RAB40C: variants seen among roughly 807,000 people sequenced by gnomAD.
RAB40C encodes ras-related protein Rab-40C.
A neutral mutation model predicts 28.1 loss-of-function variants in RAB40C; 8 were observed. The ratio of observed to expected loss-of-function variants is 0.28; its 90% CI spans 0.17 to 0.51. The LOEUF (loss-of-function observed/expected upper bound fraction) is 0.51, where lower values mean the gene tolerates loss of function less well. RAB40C is among the 20% of genes least tolerant of loss of function. The pLI is 0.97. For missense variants in RAB40C, 288 were observed against 405.9 expected, an observed-to-expected ratio of 0.71 and a Z score of 2.50; for synonymous variants, 201 against 171.7, an observed-to-expected ratio of 1.17 and a Z score of -1.34.
intron 4 of RAB40C, 165 bp downstream of exon 4, chr16:625,674 C>T (rs1487969003): frequency 1.6e-5 from 14 of 886,502 alleles, no homozygotes; most frequent in South Asian, 3.2e-5. Context: ...ACTGTGCACA[C>T]GACAGTCGGG....
rs1054221463 is a variant in RAB40C at position 625,589 on chromosome 16, C to T, written c.342+80C>T. The T allele has an allele frequency of 6.4e-6, 9 of 1,401,166 alleles. No homozygotes were observed. The African/African-American group carries it at 1.1e-4, about 18-fold the overall frequency. The allele number at this position is 1,401,166 out of a possible 1,614,324, so 86.8% of individuals were successfully genotyped here. The stretch of plus-strand genomic sequence containing the variant: ...TGGGCCCCGGGTAGGCTCTGGATTC[C>T]CGCCTGCCGCCCCTCCTGTGGCCCC... On this transcript the variant is annotated intron_variant, in intron 4 of 5. Coordinates refer to ENST00000248139, the MANE Select transcript of RAB40C (RefSeq NM_021168.5).
intron 3 of RAB40C, 58 bp downstream of exon 3, chr16:618,318 C>T: frequency 6.7e-7 from 1 of 1,501,548 alleles, no homozygotes; most frequent in Non-Finnish European, 9.1e-7. Context: ...CTGATTCTTT[C>T]TGAATGTGAG....
intron 3 of RAB40C, among the ~76,000 whole-genome samples, chr16:620,266 G>A (rs551067048): frequency 1.8e-4 from 28 of 152,098 alleles, no homozygotes; most frequent in East Asian, 1.4e-3. Flanking sequence ...GGTGGCGGGC[G>A]CTTATAATCC....
At chr16:617,160 T>C in intron 1 of RAB40C, 48 bp from the exon 2 acceptor site, 1 of 1,602,332 alleles carries the variant, frequency 6.2e-7, no homozygotes, top group South Asian at 1.1e-5. Context: ...TCGCGGGCGC[T>C]CGCTCCAGGA....
At chr16:621,749 A>C (rs901260392) in intron 3 of RAB40C, among the ~76,000 whole-genome samples, 3 of 152,214 alleles carry the variant, frequency 2.0e-5, no homozygotes, top group South Asian at 4.1e-4. Flanking sequence ...GGGATGTGCC[A>C]TCCTGTTTAG....
At chr16:603,943 G>C (rs1017401250) in intron 1 of RAB40C, among the ~76,000 whole-genome samples, 1 of 152,124 alleles carries the variant, frequency 6.6e-6, no homozygotes. Flanking sequence ...GTATTCCTTT[G>C]CACAAATATA....
Position 625,037 on chromosome 16 carries a change from C to T in RAB40C, c.265-395C>T, listed in dbSNP as rs1849462400. 5 of 1,293,302 alleles carry T rather than the reference C, an allele frequency of 3.9e-6. No individual in the cohort carries two copies. In the South Asian group the frequency reaches 6.2e-5, roughly 16 times the overall value. The allele number at this position is 1,293,302 out of a possible 1,614,324, so 80.1% of individuals were successfully genotyped here. A position where few individuals can be genotyped will look rare whatever the true frequency, so the allele number is the denominator to read the frequency against. On this transcript the variant is annotated intron_variant, in intron 3 of 5. Transcript: ENST00000248139. The stretch of plus-strand genomic sequence containing the variant: ...AAAACTCAGAAATGCCCCCACTCAG[C>T]TCTGTCCCAGGTACTCCCGGGGGGA...
At chr16:595,666 G>C (rs1009287942) in intron 1 of RAB40C, among the ~76,000 whole-genome samples, 1 of 150,134 alleles carries the variant, frequency 6.7e-6, no homozygotes, top group Non-Finnish European at 1.5e-5. Context: ...GCAGTGGCAC[G>C]GTCTCGGCTC....
At chr16:625,361 C>T (rs2036806494) in intron 3 of RAB40C, 71 bp from the exon 4 acceptor site, 1 of 1,571,888 alleles carries the variant, frequency 6.4e-7, no homozygotes, top group Non-Finnish European at 8.7e-7. Flanking sequence ...GCCCCTGCAC[C>T]TGAGCGTCCC....
chr16:589,425 T>C (rs2035942020), upstream of RAB40C: 1 of 152,252 alleles, frequency 6.6e-6, no homozygotes, highest in African/African-American at 2.4e-5. Context: ...TGCGAGGGGC[T>C]TTCGTTTCCC....
chr16:615,915 T>A (rs537660136), intron 1 of RAB40C, among the ~76,000 whole-genome samples: 3 of 151,980 alleles, frequency 2.0e-5, no homozygotes, highest in East Asian at 3.9e-4. Context: ...TGACCCGAGA[T>A]TGTGGCACTG....
At chr16:597,316 C>T (rs537391986) in intron 1 of RAB40C, among the ~76,000 whole-genome samples, 3 of 152,076 alleles carry the variant, frequency 2.0e-5, no homozygotes, top group East Asian at 1.9e-4. Context: ...CAGAAGCACT[C>T]GGCCCCTGAG....
intron 3 of RAB40C, chr16:624,642 G>A (rs995029981): frequency 1.7e-4 from 165 of 985,332 alleles, no homozygotes; most frequent in Non-Finnish European, 1.9e-4. Flanking sequence ...CTTCCATTAC[G>A]TGAAGGTTTT....
At chr16:599,747 G>T (rs2036212225) in intron 1 of RAB40C, among the ~76,000 whole-genome samples, 1 of 60,260 alleles carries the variant, frequency 1.7e-5, no homozygotes, top group Non-Finnish European at 3.3e-5. Context: ...GCAAGGTTTT[G>T]TTCCCTCGTG....
chr16:614,461 A>G (rs1330911853), intron 1 of RAB40C, among the ~76,000 whole-genome samples: 6 of 111,762 alleles, frequency 5.4e-5, no homozygotes, highest in Admixed American at 1.8e-4. Context: ...TAACTCTACC[A>G]CATCCCGATG....
intron 1 of RAB40C, among the ~76,000 whole-genome samples, chr16:592,377 AGCAGCACCGGGG>A (rs2036019291): frequency 6.6e-6 from 1 of 152,242 alleles, no homozygotes; most frequent in Admixed American, 6.5e-5. Context: ...AGCAGTGGGC[AGCAGCACCGGGG>A]GCTCTGGAAG....
chr16:593,934 T>G (rs990060667), intron 1 of RAB40C, among the ~76,000 whole-genome samples: 1 of 151,728 alleles, frequency 6.6e-6, no homozygotes, highest in African/African-American at 2.4e-5. Context: ...CATCCAGGAG[T>G]GTGGGTGGTG....
rs540391059 is a variant in RAB40C at position 629,116 on chromosome 16, G to A, written c.*1494G>A. On this transcript the variant is annotated 3_prime_UTR_variant, in exon 6 of 6. Coordinates refer to ENST00000248139, the MANE Select transcript of RAB40C (RefSeq NM_021168.5). ...TCCTGTTGCTGCCAGCAGGGCCCTT[G>A]TTTGGGATTATGAACAAACCTCACA... 6.1e-6 allele frequency: 1 copy of A among 163,004 alleles called. No individual in the cohort carries two copies. Among genetic ancestry groups the A allele is most frequent in the South Asian group, 1.7e-4 (1 of 5,988 alleles). 10.1% of individuals were successfully genotyped at this position (163,004 alleles called of 1,614,324 possible).
At chr16:622,290 C>T (rs2036735001) in intron 3 of RAB40C, among the ~76,000 whole-genome samples, 1 of 152,176 alleles carries the variant, frequency 6.6e-6, no homozygotes, top group Non-Finnish European at 1.5e-5. Flanking sequence ...TGGCGCAGTA[C>T]CAGTTCACGA....
Sources: allele counts gnomAD v4.1 joint callset (sites outside exome capture counted in the v4.1 genomes callset), GRCh38; gene constraint gnomAD v4.1.1; transcripts MANE v1.5; gene names NCBI Gene and HGNC (gene_info 2026-07-23, HGNC 2026-07-21).